AR: variants seen among roughly 807,000 people sequenced by gnomAD.
AR encodes the protein dihydrotestosterone receptor.
In AR, 8 loss-of-function variants were observed where a neutral mutation model predicts 53.9. That is an observed-to-expected ratio of 0.15 (90% CI 0.09 to 0.27). The LOEUF is 0.27. AR is among the 10% of genes least tolerant of loss of function. The probability of loss-of-function intolerance (pLI) is 1.00; values close to 1 mark genes in which losing one functional copy is unlikely to be tolerated. For missense variants in AR, 639 were observed against 742.5 expected, an observed-to-expected ratio of 0.86 and a Z score of 1.62; for synonymous variants, 359 against 316.4, an observed-to-expected ratio of 1.13 and a Z score of -1.43.
At chrX:67,690,249 G>A (rs1215083472) in intron 3 of AR, among the ~76,000 whole-genome samples, 1 of 112,018 alleles carries the variant, frequency 8.9e-6, no homozygotes, top group Non-Finnish European at 1.9e-5. Flanking sequence ...ACTGAACTCT[G>A]CATCTGAGAA....
chrX:67,558,957 A>G (rs1254696075), intron 1 of AR, among the ~76,000 whole-genome samples: 1 of 112,216 alleles, frequency 8.9e-6, no homozygotes, highest in Admixed American at 9.4e-5. Context: ...AGTAAGTGGA[A>G]GTGCCAATAT....
At chrX:67,695,737 AAAC>A (rs1284597342) in intron 3 of AR, 2 of 711,399 alleles carry the variant, frequency 2.8e-6, no homozygotes, top group Admixed American at 1.8e-4. Context: ...CAGTCTGTCT[AAAC>A]ACACACACAC....
chrX:67,647,723 C>CT (rs1356857800), intron 2 of AR, among the ~76,000 whole-genome samples: 2 of 111,167 alleles, frequency 1.8e-5, no homozygotes, highest in African/African-American at 6.5e-5. Flanking sequence ...GGTTGGTTAA[C>CT]TTTTTTTGTA....
intron 2 of AR, among the ~76,000 whole-genome samples, chrX:67,673,778 G>T (rs771758694): frequency 9.0e-6 from 1 of 110,673 alleles, no homozygotes; most frequent in African/African-American, 3.3e-5. Context: ...TATTTTTCCA[G>T]GATTGCTATC....
At chrX:67,621,360 T>G (rs1307149934) in intron 1 of AR, among the ~76,000 whole-genome samples, 1 of 111,684 alleles carries the variant, frequency 9.0e-6, no homozygotes, top group Non-Finnish European at 1.9e-5. Flanking sequence ...TGTTTTTGTT[T>G]GTTTGTTTTT....
At chrX:67,672,630 A>G (rs945654383) in intron 2 of AR, among the ~76,000 whole-genome samples, 3 of 111,442 alleles carry the variant, frequency 2.7e-5, no homozygotes, top group African/African-American at 9.8e-5. Flanking sequence ...GAAAACTAAT[A>G]AAAACTCTAC....
At chrX:67,694,935 C>A (rs1297282833) in intron 3 of AR, 4 of 1,028,097 alleles carry the variant, frequency 3.9e-6, no homozygotes, top group Non-Finnish European at 4.9e-6. Flanking sequence ...TGAGGACGGG[C>A]TGTAGAAGTA....
chrX:67,581,601 G>T (rs1922300491), intron 1 of AR, among the ~76,000 whole-genome samples: 1 of 111,075 alleles, frequency 9.0e-6, no homozygotes, highest in Non-Finnish European at 1.9e-5. Context: ...TACACTATTT[G>T]TATATTTGTT....
chrX:67,713,732 A>G (rs1419752595), intron 4 of AR, among the ~76,000 whole-genome samples: 2 of 112,057 alleles, frequency 1.8e-5, no homozygotes, highest in Non-Finnish European at 3.8e-5. Flanking sequence ...ACTATAGCAG[A>G]ATTTGTATGA....
At position 67,730,305 on chromosome X, in the gene AR, C is replaced by T. The variant is rs182030008; in HGVS notation, c.*6464C>T. On this transcript the variant is annotated 3_prime_UTR_variant, in exon 8 of 8. Transcript: ENST00000374690. ...CTTGGCCTCCACTGGGCAGCAGGAC[C>T]AGCTCCAAGCGCTAGTGTTCTGTTC... 4.5e-4 allele frequency: 78 copies of T among 174,143 alleles called. No individual in the cohort carries two copies. Among genetic ancestry groups the T allele is most frequent in the African/African-American group, 2.2e-3 (74 of 34,050 alleles). 14.4% of individuals were successfully genotyped at this position (174,143 alleles called of 1,213,427 possible). A position where few individuals can be genotyped will look rare whatever the true frequency, so the allele number is the denominator to read the frequency against.
intron 1 of AR, among the ~76,000 whole-genome samples, chrX:67,622,000 G>A (rs1382840847): frequency 3.6e-5 from 4 of 111,609 alleles, no homozygotes; most frequent in African/African-American, 1.3e-4. Context: ...AAATCAAAAT[G>A]GAGATACACT....
At chrX:67,695,360 T>G in intron 3 of AR, 2 of 753,655 alleles carry the variant, frequency 2.7e-6, no homozygotes, top group Non-Finnish European at 3.1e-6. Flanking sequence ...GATTTCTGCT[T>G]CTCCAGGAGA....
At chrX:67,602,072 G>C (rs1477618300) in intron 1 of AR, among the ~76,000 whole-genome samples, 2 of 112,013 alleles carry the variant, frequency 1.8e-5, no homozygotes, top group Non-Finnish European at 3.8e-5. Flanking sequence ...TTAAGTTGGA[G>C]ACAGAACCAT....
chrX:67,700,149 G>T (rs1419104994), intron 3 of AR, among the ~76,000 whole-genome samples: 3 of 111,558 alleles, frequency 2.7e-5, no homozygotes, highest in Non-Finnish European at 5.6e-5. Context: ...TCTTGTCACT[G>T]CTCTGACCCA....
chrX:67,691,326 C>A, intron 3 of AR, among the ~76,000 whole-genome samples: 1 of 112,132 alleles, frequency 8.9e-6, no homozygotes, highest in Non-Finnish European at 1.9e-5. Context: ...TTGGTCTAGG[C>A]CAGTGTTTAC....
At chrX:67,567,164 G>A (rs748867819) in intron 1 of AR, among the ~76,000 whole-genome samples, 3 of 111,110 alleles carry the variant, frequency 2.7e-5, no homozygotes, top group South Asian at 3.9e-4. Context: ...CTTCTCTAGC[G>A]TCCTCTTAAT....
chrX:67,608,586 A>G (rs1278857244), intron 1 of AR, among the ~76,000 whole-genome samples: 1 of 112,146 alleles, frequency 8.9e-6, no homozygotes, highest in East Asian at 2.8e-4. Context: ...AGTGAATCTA[A>G]AGCATATTTG....
intron 1 of AR, among the ~76,000 whole-genome samples, chrX:67,557,096 C>CGTTT (rs1921087556): frequency 9.2e-6 from 1 of 109,117 alleles, no homozygotes; most frequent in African/African-American, 3.4e-5. Flanking sequence ...ATATATTATA[C>CGTTT]GTTTGTTTGT....
intron 1 of AR, among the ~76,000 whole-genome samples, chrX:67,600,857 T>C (rs748225465): frequency 1.8e-5 from 2 of 110,523 alleles, no homozygotes; most frequent in East Asian, 5.7e-4. Context: ...TAAAAAAAAC[T>C]GTGCATTAAA....
Sources: gnomAD v4.1 joint callset for allele counts (sites outside exome capture counted in the v4.1 genomes callset) on GRCh38, gnomAD v4.1.1 for gene constraint, MANE v1.5 for transcripts, NCBI Gene and HGNC (gene_info 2026-07-23, HGNC 2026-07-21) for gene names.